Variants in XPNPEP1 observed in about 807,000 individuals in gnomAD.
XPNPEP1 encodes X-prolyl aminopeptidase 1, also known as xaa-Pro aminopeptidase 1.
XPNPEP1 carries 39 observed loss-of-function variants against 92.4 expected under a neutral mutation model. That is an observed-to-expected ratio of 0.42 (90% confidence interval 0.33 to 0.55). XPNPEP1 has a LOEUF of 0.55. Among genes scored for constraint, XPNPEP1 ranks in the 20% least tolerant of loss-of-function variants. XPNPEP1 has a pLI of 0.08. For synonymous variants in XPNPEP1, 307 were observed against 299.4 expected (o/e 1.03, Z -0.26); for missense variants, 654 against 856.1 (o/e 0.76, Z 2.95).
chr10:109,893,266 G>A lies in XPNPEP1; in HGVS notation c.247-191C>T, dbSNP rs567887271. ...CACTGCAGAAGATTGAATTAATTAAGGGCAGAGAGAGCTGTTCCCTTTAGC... is the reference window on the plus strand; with the variant it reads ...CACTGCAGAAGATTGAATTAATTAAAGGCAGAGAGAGCTGTTCCCTTTAGC... On this transcript the variant is annotated intron_variant, in intron 3 of 20. Transcript: ENST00000502935. 5.0e-5 allele frequency: 26 copies of A among 515,798 alleles called. No individual in the cohort carries two copies. The East Asian group carries it at 7.0e-4, about 14-fold the overall frequency. 32.0% of individuals were successfully genotyped at this position (515,798 alleles called of 1,614,324 possible). A position where few individuals can be genotyped will look rare whatever the true frequency, so the allele number is the denominator to read the frequency against.
Position 109,877,795 on chromosome 10 carries a change from G to A in XPNPEP1, c.1314C>T (p.His438=). The change falls in exon 14 of 21, where the codon CAC becomes CAT. Residue 438 remains histidine (H), a synonymous_variant. Transcript: ENST00000502935. ...TGCTCCTCCGCATGCCTTACGCGTA[G>A]TGAATGATGGCGCCGTTGGGTCCCG... ...SSTGPNGAII[H]YAPVPETNRT... is the part of the protein sequence containing the mutation. 2 of 1,614,258 alleles carry A rather than the reference G, an allele frequency of 1.2e-6. No individual in the cohort carries two copies.
intron 3 of XPNPEP1, chr10:109,893,988 A>C (rs1285689154): frequency 6.6e-6 from 1 of 152,262 alleles, no homozygotes; most frequent in Non-Finnish European, 1.5e-5. Context: ...GTTCAAAGAG[A>C]GAATCTTTAA....
intron 3 of XPNPEP1, among the ~76,000 whole-genome samples, chr10:109,897,762 T>A (rs1286903779): frequency 2.0e-5 from 3 of 151,958 alleles, no homozygotes; most frequent in South Asian, 4.2e-4. Context: ...CACGCGATTC[T>A]CATGCCTCAG....
chr10:109,892,037 G>A (rs954083604), intron 4 of XPNPEP1, among the ~76,000 whole-genome samples: 1 of 152,124 alleles, frequency 6.6e-6, no homozygotes, highest in Admixed American at 6.5e-5. Context: ...ACAGTCCTGA[G>A]ACCCAAGCTA....
intron 19 of XPNPEP1, among the ~76,000 whole-genome samples, chr10:109,869,589 C>T (rs138995026): frequency 7.2e-4 from 109 of 152,276 alleles, no homozygotes; most frequent in African/African-American, 2.6e-3. Context: ...ATAGGCACCC[C>T]TAGCAGAAGA....
At chr10:109,880,380 T>C (rs1337442797) in intron 11 of XPNPEP1, 142 bp from the exon 12 acceptor site, 1 of 835,604 alleles carries the variant, frequency 1.2e-6, no homozygotes, top group Non-Finnish European at 1.9e-6. Context: ...CATGTGGACA[T>C]TTCTGGGAAG....
rs562990341 is a variant in XPNPEP1, at chr10:109,908,867, C to T, written c.122-1052G>A. ...GCTACAGATTTAGAGAAGAAAGTTCCGTCCACTAGGAGTCAAAAGTCTTAT... is the reference window on the plus strand; with the variant it reads ...GCTACAGATTTAGAGAAGAAAGTTCTGTCCACTAGGAGTCAAAAGTCTTAT... On this transcript the variant is annotated intron_variant, in intron 2 of 20. Transcript: ENST00000502935. 7.2e-5 allele frequency among the ~76,000 whole-genome samples: 11 copies of T among 152,250 alleles called. No individual in the cohort carries two copies. In the South Asian group the frequency reaches 1.2e-3, roughly 17 times the overall value.
At chr10:109,906,181 CACAG>C (rs1269412743) in intron 3 of XPNPEP1, among the ~76,000 whole-genome samples, 2 of 151,384 alleles carry the variant, frequency 1.3e-5, no homozygotes, top group East Asian at 1.9e-4. Context: ...TCTGACATCA[CACAG>C]ACACACACAC....
rs776255457 is a variant in XPNPEP1 at position 109,907,794 on chromosome 10, A to G, written c.143T>C (p.Val48Ala). 5 of 1,614,202 alleles carry G rather than the reference A, an allele frequency of 3.1e-6. No individual in the cohort carries two copies. The highest frequency in any genetic ancestry group is 2.2e-5 in the South Asian group (2 of 91,078). ...CAGCTGCCGAAGCAGCTCTGAAGTC[A>G]CCTTTGGAGGCATTCTGCCGTCTGC... Reference protein sequence around the residue: ...VETDGRMPPKVTSELLRQLRQ... With the variant: ...VETDGRMPPKATSELLRQLRQ... Residue 48 changes from valine (V) to alanine (A), a missense_variant, in exon 3 of 21, where the codon GTG (valine) becomes GCG (alanine). Coordinates refer to ENST00000502935, the MANE Select transcript of XPNPEP1 (RefSeq NM_020383.4).
At chr10:109,899,114 T>A (rs1347681557) in intron 3 of XPNPEP1, among the ~76,000 whole-genome samples, 1 of 152,210 alleles carries the variant, frequency 6.6e-6, no homozygotes, top group Admixed American at 6.5e-5. Context: ...GTTATTGGCA[T>A]TTTTTTCTCT....
intron 3 of XPNPEP1, among the ~76,000 whole-genome samples, chr10:109,901,154 A>T (rs1364787794): frequency 2.6e-5 from 4 of 151,484 alleles, no homozygotes; most frequent in Admixed American, 2.6e-4. Flanking sequence ...GAAGCTGGAA[A>T]CCATCATTCT....
chr10:109,903,180 T>G (rs944968), intron 3 of XPNPEP1, among the ~76,000 whole-genome samples: 1 of 151,872 alleles, frequency 6.6e-6, no homozygotes, highest in African/African-American at 2.4e-5. Flanking sequence ...AAAACTGAAA[T>G]TGAAATACAA....
At chr10:109,911,117 C>A (rs1564791093) in intron 2 of XPNPEP1, among the ~76,000 whole-genome samples, 1 of 152,258 alleles carries the variant, frequency 6.6e-6, no homozygotes. Flanking sequence ...CACTTATCAT[C>A]TGCAGCAAGG....
At position 109,880,251 on chromosome 10, in the gene XPNPEP1, T is replaced by G; in HGVS notation, c.1132-13A>C. The G allele has an allele frequency of 6.2e-7, 1 of 1,613,498 alleles. No homozygotes were observed. Among genetic ancestry groups the G allele is most frequent in the Non-Finnish European group, 8.5e-7 (1 of 1,179,972 alleles). On this transcript the variant is annotated splice_polypyrimidine_tract_variant and intron_variant, in intron 11 of 20. Transcript: ENST00000502935. ...CAGCATCTTTAATCTGTGCAAACAATGGAGACATTTTTTAAGTTATCACTG... is the reference window on the plus strand; with the variant it reads ...CAGCATCTTTAATCTGTGCAAACAAGGGAGACATTTTTTAAGTTATCACTG...
intron 9 of XPNPEP1, chr10:109,883,818 A>G: frequency 2.4e-6 from 1 of 413,472 alleles, no homozygotes; most frequent in East Asian, 3.9e-5. Context: ...AAAACTTGAC[A>G]TCAAATGGGT....
At chr10:109,878,915 A>G (rs565264075) in intron 12 of XPNPEP1, among the ~76,000 whole-genome samples, 30 of 151,926 alleles carry the variant, frequency 2.0e-4, no homozygotes, top group Non-Finnish European at 3.5e-4. Context: ...TTATCTGCAC[A>G]CTAAGAGACA....
intron 19 of XPNPEP1, 24 bp downstream of exon 19, chr10:109,869,929 A>G: frequency 6.2e-7 from 1 of 1,613,124 alleles, no homozygotes; most frequent in Non-Finnish European, 8.5e-7. Context: ...TAGAAACAGG[A>G]AAATTTTTTT....
chr10:109,890,558 G>GTC (rs1848640977), intron 5 of XPNPEP1, among the ~76,000 whole-genome samples: 1 of 84,524 alleles, frequency 1.2e-5, no homozygotes, highest in Non-Finnish European at 2.2e-5. Context: ...CTTTGTGTGT[G>GTC]TGTGTGTGTG....
chr10:109,883,966 G>C, intron 9 of XPNPEP1, 101 bp downstream of exon 9: 3 of 1,005,724 alleles, frequency 3.0e-6, no homozygotes, highest in Non-Finnish European at 4.4e-6. Context: ...AAGCACATCA[G>C]TGAAATATCA....
Sources: allele counts gnomAD v4.1 joint callset (sites outside exome capture counted in the v4.1 genomes callset), GRCh38; gene constraint gnomAD v4.1.1; transcripts MANE v1.5; gene names NCBI Gene and HGNC (gene_info 2026-07-23, HGNC 2026-07-21).